The following TXNDC2 variants were observed in gnomAD, a reference collection of about 807,000 sequenced individuals.
TXNDC2 encodes the protein thioredoxin domain-containing protein 2.
Under a neutral mutation model 0.4 loss-of-function variants are expected in TXNDC2, and 1 was observed. The observed-to-expected ratio is 2.30, with a 90% CI of 0.82 to 10.89. The LOEUF is 10.89. Among genes scored for constraint, TXNDC2 ranks in the 30% most tolerant of loss-of-function variants. The pLI is 0.12. For missense variants in TXNDC2, 509 were observed against 579.8 expected, an observed-to-expected ratio of 0.88 and a Z score of 1.25; for synonymous variants, 183 against 224.6, an observed-to-expected ratio of 0.81 and a Z score of 1.66.
rs990771929 is a variant in TXNDC2 at position 9,887,841 on chromosome 18, G to C, written c.1161G>C (p.Leu387=). Residue 387 remains leucine (L), a synonymous_variant, in exon 2 of 2, where the codon CTG becomes CTC. Transcript: ENST00000357775. Reference sequence around the variant, plus strand: ...AGGGGGACAAGGTGAAAGTGATCCTGAGCAAGGAGGACTTTGAGGCATCAC... The same window carrying C: ...AGGGGGACAAGGTGAAAGTGATCCTCAGCAAGGAGGACTTTGAGGCATCAC... ...FPEGDKVKVI[L]SKEDFEASLK... The C allele has an allele frequency of 6.2e-7, 1 of 1,610,054 alleles. No homozygotes were observed. The highest frequency in any genetic ancestry group is 1.7e-5 in the Admixed American group (1 of 59,644).
Position 9,887,070 on chromosome 18 carries a change from C to T in TXNDC2, c.390C>T (p.Ser130=), listed in dbSNP as rs1481929902. 6.2e-7 allele frequency: 1 copy of T among 1,609,594 alleles called. No individual in the cohort carries two copies. Among genetic ancestry groups the T allele is most frequent in the Non-Finnish European group, 8.5e-7 (1 of 1,178,542 alleles). The change falls in exon 2 of 2, where the codon TCC becomes TCT. Residue 130 remains serine (S), a synonymous_variant. Transcript: ENST00000357775. ...IQSKKEDLPK[S]SEEAIQPKEG... The stretch of plus-strand genomic sequence containing the variant: ...CCAAGAAGGAGGACCTCCCCAAGTC[C>T]TCAGAAGAAGCCATCCAGCCCAAAG...
At chr18:9,886,254 A>G in intron 1 of TXNDC2, 174 bp downstream of exon 1, 5 of 1,614,014 alleles carry the variant, frequency 3.1e-6, no homozygotes, top group Non-Finnish European at 2.5e-6. Flanking sequence ...CTGGGCACTC[A>G]GGAAGAAACA....
rs771795630 is a variant in TXNDC2, at chr18:9,887,998, G to C, written c.1318G>C (p.Ala440Pro). 5 of 1,614,066 alleles carry C rather than the reference G, an allele frequency of 3.1e-6. No homozygotes were observed. Among genetic ancestry groups the C allele is most frequent in the Non-Finnish European group, 4.2e-6 (5 of 1,180,030 alleles). ...HEDVVFLEVD[A>P]DNCEEVVREC... ...GGATGTGGTGTTCCTGGAGGTGGAC[G>C]CTGACAACTGTGAGGAGGTGGTGAG... Residue 440 changes from alanine (A) to proline (P), a missense_variant, in exon 2 of 2, where the codon GCT (alanine) becomes CCT (proline). This residue lies in a region of TXNDC2 where 229 missense variants were observed against 243.8 expected (regional missense o/e 0.94). Transcript: ENST00000357775.
Position 9,887,353 on chromosome 18 carries a change from A to G in TXNDC2, c.673A>G (p.Ile225Val), listed in dbSNP as rs1290581167. The change falls in exon 2 of 2, where the codon ATC becomes GTC. Residue 225 changes from isoleucine (I) to valine (V), a missense_variant. Physicochemically the swap from Ile to Val is conservative, Grantham distance 29 (BLOSUM62 3). This residue lies in a region of TXNDC2 where 65 missense variants were observed against 46.0 expected (regional missense o/e 1.41). Coordinates refer to ENST00000357775, the MANE Select transcript of TXNDC2 (RefSeq NM_032243.6). The part of the protein sequence containing the change: ...GDISKSPEEA[I>V]QPKEGDLPKS... ...CATCTCCAAGTCCCCAGAAGAAGCC[A>G]TCCAGCCCAAGGAGGGTGACCTCCC... The G allele has an allele frequency of 1.3e-6, 2 of 1,581,486 alleles. No homozygotes were observed. The highest frequency in any genetic ancestry group is 1.1e-5 in the South Asian group (1 of 88,590).
rs775803110 is a variant in TXNDC2, at chr18:9,886,626, C to T, written c.-55C>T. ...TAGTCCTGTCCAGCAACGTGCCTCT[C>T]CTGGCCCTAGAGTTCTTGGAAATAG... On this transcript the variant is annotated 5_prime_UTR_variant, in exon 2 of 2. Transcript: ENST00000357775. 6.0e-5 allele frequency: 97 copies of T among 1,613,784 alleles called. 1 individual carries two copies. The South Asian group carries it at 1.0e-3, about 17-fold the overall frequency.
rs1243250712 is a variant in TXNDC2, at chr18:9,888,973, T to C, written c.*832T>C. The C allele has an allele frequency of 1.3e-5, 2 of 152,218 alleles. No individual in the cohort carries two copies. The highest frequency in any genetic ancestry group is 4.8e-5 in the African/African-American group (2 of 41,462). The allele number at this position is 152,218 out of a possible 1,614,324, so 9.4% of individuals were successfully genotyped here. A position where few individuals can be genotyped will look rare whatever the true frequency, so the allele number is the denominator to read the frequency against. On this transcript the variant is annotated 3_prime_UTR_variant, in exon 2 of 2. Coordinates refer to ENST00000357775, the MANE Select transcript of TXNDC2 (RefSeq NM_032243.6). Reference sequence around the variant, plus strand: ...CAGCCTTTAACATGACTCTACCAGCTTAGACATATAGGCCTAGACTTTAAT... The same window carrying C: ...CAGCCTTTAACATGACTCTACCAGCCTAGACATATAGGCCTAGACTTTAAT...
Position 9,887,680 on chromosome 18 carries a change from G to A in TXNDC2, c.1000G>A (p.Glu334Lys), listed in dbSNP as rs144825639. Reference protein sequence around the residue: ...KSLEEAIPPKEIDIPKSPEET... With the variant: ...KSLEEAIPPKKIDIPKSPEET... ...CCTAGAGGAAGCCATCCCACCCAAG[G>A]AGATTGACATCCCCAAGTCCCCAGA... Residue 334 changes from glutamate to lysine, a missense_variant, in exon 2 of 2, where the codon GAG becomes AAG. Glu to Lys is a moderately conservative substitution (Grantham distance 56). Around this residue, in one of 5 missense-constraint regions of TXNDC2, gnomAD observed 229 missense variants for 243.8 expected, o/e 0.94. Transcript: ENST00000357775. 5 of 1,608,664 alleles carry A rather than the reference G, an allele frequency of 3.1e-6. No individual in the cohort carries two copies. Among genetic ancestry groups the A allele is most frequent in the Non-Finnish European group, 4.2e-6 (5 of 1,178,046 alleles).
chr18:9,887,651 A>G lies in TXNDC2; in HGVS notation c.971A>G (p.Lys324Arg). The G allele has an allele frequency of 6.2e-7, 1 of 1,610,352 alleles. No individual in the cohort carries two copies. Among genetic ancestry groups the G allele is most frequent in the East Asian group, 2.3e-5 (1 of 44,332 alleles). The change falls in exon 2 of 2, where the codon AAG becomes AGG. Residue 324 changes from lysine to arginine, a missense_variant. By Grantham distance (26) the Lys-to-Arg change is conservative. Around this residue, in one of 5 missense-constraint regions of TXNDC2, gnomAD observed 229 missense variants for 243.8 expected, o/e 0.94. Transcript: ENST00000357775. Reference sequence around the variant, plus strand: ...CAGCCCAAGGAGGGTGACATTCCCAAGTCCCTAGAGGAAGCCATCCCACCC... The same window carrying G: ...CAGCCCAAGGAGGGTGACATTCCCAGGTCCCTAGAGGAAGCCATCCCACCC... ...AIQPKEGDIP[K>R]SLEEAIPPKE...
Position 9,887,832 on chromosome 18 carries a change from A to G in TXNDC2, c.1152A>G (p.Lys384=). The G allele has an allele frequency of 6.2e-7, 1 of 1,610,398 alleles. No individual in the cohort carries two copies. Among genetic ancestry groups the G allele is most frequent in the Non-Finnish European group, 8.5e-7 (1 of 1,177,798 alleles). ...AGTTCCCGGAGGGGGACAAGGTGAA[A>G]GTGATCCTGAGCAAGGAGGACTTTG... ...TMEFPEGDKV[K]VILSKEDFEA... is the part of the protein sequence containing the mutation. Residue 384 remains lysine, a synonymous_variant, in exon 2 of 2, where the codon AAA becomes AAG. Transcript: ENST00000357775.
At position 9,886,616 on chromosome 18, in the gene TXNDC2, A is replaced by G. The variant is rs1201401826; in HGVS notation, c.-65A>G. On this transcript the variant is annotated 5_prime_UTR_variant, in exon 2 of 2. Transcript: ENST00000357775. ...AGCTCATTACTAGTCCTGTCCAGCA[A>G]CGTGCCTCTCCTGGCCCTAGAGTTC... 6.2e-7 allele frequency: 1 copy of G among 1,613,342 alleles called. No individual in the cohort carries two copies. Among genetic ancestry groups the G allele is most frequent in the Non-Finnish European group, 8.5e-7 (1 of 1,179,710 alleles).
intron 1 of TXNDC2, 81 bp from the exon 2 acceptor site, chr18:9,886,508 T>C: frequency 8.2e-7 from 1 of 1,217,336 alleles, no homozygotes; most frequent in East Asian, 2.5e-5. Context: ...CCTTGGAATA[T>C]GAAGAGAATT....
chr18:9,886,045 A>G lies in TXNDC2; in HGVS notation c.-128A>G. On this transcript the variant is annotated 5_prime_UTR_variant, in exon 1 of 2. Transcript: ENST00000357775. ...TCTCAAATATCACTGTTGTGAATAC[A>G]GAGAGGGAAAACCAACTGTAACGTG... 1.4e-6 allele frequency: 1 copy of G among 704,428 alleles called. No individual in the cohort carries two copies. The highest frequency in any genetic ancestry group is 2.4e-6 in the Non-Finnish European group (1 of 412,566). The allele number at this position is 704,428 out of a possible 1,614,324, so 43.6% of individuals were successfully genotyped here. A position where few individuals can be genotyped will look rare whatever the true frequency, so the allele number is the denominator to read the frequency against.
chr18:9,888,331 G>T lies in TXNDC2; in HGVS notation c.*190G>T. On this transcript the variant is annotated 3_prime_UTR_variant, in exon 2 of 2. Coordinates refer to ENST00000357775, the MANE Select transcript of TXNDC2 (RefSeq NM_032243.6). The stretch of plus-strand genomic sequence containing the variant: ...TAAAGTACATTGCGACTGTGTTTCT[G>T]TTAGTGGGAGAGTATAAAATTAGAA... 1.9e-6 allele frequency: 1 copy of T among 515,920 alleles called. No individual in the cohort carries two copies. Among genetic ancestry groups the T allele is most frequent in the Admixed American group, 3.3e-5 (1 of 30,430 alleles). The allele number at this position is 515,920 out of a possible 1,614,324, so 32.0% of individuals were successfully genotyped here.
rs373062305 is a variant in TXNDC2 at position 9,888,183 on chromosome 18, G to A, written c.*42G>A. ...CATTGCAGACAGTCAGGTGTTTATA[G>A]CTTTTGAGTTCTCTTTTATTATTTA... is the stretch of plus-strand genomic sequence containing the variant. On this transcript the variant is annotated 3_prime_UTR_variant, in exon 2 of 2. Coordinates refer to ENST00000357775, the MANE Select transcript of TXNDC2 (RefSeq NM_032243.6). The A allele has an allele frequency of 2.0e-6, 3 of 1,463,704 alleles. No individual in the cohort carries two copies. Among genetic ancestry groups the A allele is most frequent in the Non-Finnish European group, 2.8e-6 (3 of 1,084,034 alleles). The allele number at this position is 1,463,704 out of a possible 1,614,324, so 90.7% of individuals were successfully genotyped here.
chr18:9,886,015 G>A lies in TXNDC2; in HGVS notation c.-158G>A. 1 of 606,784 alleles carries A rather than the reference G, an allele frequency of 1.6e-6. No homozygotes were observed. Among genetic ancestry groups the A allele is most frequent in the Non-Finnish European group, 2.9e-6 (1 of 339,282 alleles). 37.6% of individuals were successfully genotyped at this position (606,784 alleles called of 1,614,324 possible). A position where few individuals can be genotyped will look rare whatever the true frequency, so the allele number is the denominator to read the frequency against. On this transcript the variant is annotated 5_prime_UTR_variant, in exon 1 of 2. An upstream open reading frame in the 5' UTR loses its in-frame stop. Transcript: ENST00000357775. ...AGCCTCAGCACAGGGGAGCCACCTT[G>A]AAGCTCTCAAATATCACTGTTGTGA...
Position 9,887,569 on chromosome 18 carries a change from G to A in TXNDC2, c.889G>A (p.Glu297Lys), listed in dbSNP as rs549162282. The A allele has an allele frequency of 4.3e-5, 68 of 1,595,314 alleles. No homozygotes were observed. Among genetic ancestry groups the A allele is most frequent in the Non-Finnish European group, 5.2e-5 (61 of 1,170,010 alleles). Residue 297 changes from glutamate (E) to lysine (K), a missense_variant, in exon 2 of 2, where the codon GAA becomes AAA. By Grantham distance (56) the Glu-to-Lys change is moderately conservative. Transcript: ENST00000357775. ...GAAGGGTGACATCCCCAAGTCCCCA[G>A]AAGAAGCCATCCAGCCCAAGGAGGG... ...PKKGDIPKSP[E>K]EAIQPKEGDI... is the part of the protein sequence containing the mutation.
chr18:9,887,276 T>C lies in TXNDC2; in HGVS notation c.596T>C (p.Leu199Pro), dbSNP rs1219949852. 1.4e-5 allele frequency: 20 copies of C among 1,470,520 alleles called. No individual in the cohort carries two copies. The Admixed American group carries it at 4.1e-4, about 30-fold the overall frequency. 91.1% of individuals were successfully genotyped at this position (1,470,520 alleles called of 1,614,324 possible). ...TCAGCAAAGCCCATCCAGCCCAAGC[T>C]GGGCAATATTCCCAAGGCCTCAGTG... ...KSSAKPIQPK[L>P]GNIPKASVKP... Residue 199 changes from leucine to proline, a missense_variant, in exon 2 of 2, where the codon CTG becomes CCG. Leu to Pro is a moderately conservative substitution (Grantham distance 98). This residue lies in a region of TXNDC2 where 13 missense variants were observed against 31.6 expected (regional missense o/e 0.41). Transcript: ENST00000357775.
Position 9,887,891 on chromosome 18 carries a change from T to C in TXNDC2, c.1211T>C (p.Val404Ala). The change falls in exon 2 of 2, where the codon GTG becomes GCG. Residue 404 changes from valine (V) to alanine (A), a missense_variant. Val to Ala is a moderately conservative substitution (Grantham distance 64). Transcript: ENST00000357775. ...CTGAAGGAGGCCGGGGAGAGGCTGG[T>C]GGCTGTGGACTTCTCGGCCACGTGG... ...ASLKEAGERL[V>A]AVDFSATWCG... is the part of the protein sequence containing the mutation. The C allele has an allele frequency of 6.2e-7, 1 of 1,610,936 alleles. No homozygotes were observed. Among genetic ancestry groups the C allele is most frequent in the Non-Finnish European group, 8.5e-7 (1 of 1,178,550 alleles).
In TXNDC2 at chr18:9,886,605, C is replaced by T. The variant is rs747527426; in HGVS notation, c.-76C>T. The stretch of plus-strand genomic sequence containing the variant: ...TTGGTACAGAAAGCTCATTACTAGT[C>T]CTGTCCAGCAACGTGCCTCTCCTGG... On this transcript the variant is annotated 5_prime_UTR_variant, in exon 2 of 2. Coordinates refer to ENST00000357775, the MANE Select transcript of TXNDC2 (RefSeq NM_032243.6). The T allele has an allele frequency of 6.2e-7, 1 of 1,609,500 alleles. No homozygotes were observed. Among genetic ancestry groups the T allele is most frequent in the African/African-American group, 1.3e-5 (1 of 74,564 alleles).
Sources: gnomAD v4.1 joint callset for allele counts on GRCh38, gnomAD v4.1.1 for gene constraint, gnomAD v4.1.1 regional missense constraint, MANE v1.5 for transcripts, NCBI Gene and HGNC (gene_info 2026-07-23, HGNC 2026-07-21) for gene names.